Variants in MST1R observed in about 807,000 individuals in gnomAD.
The protein encoded by MST1R is macrophage stimulating 1 receptor.
MST1R carries 99 observed loss-of-function variants against 117.8 expected under a neutral mutation model. The observed-to-expected ratio is 0.84, with a 90% confidence interval of 0.71 to 0.99. The LOEUF is 0.99. MST1R is among the 50% of genes least tolerant of loss of function. The pLI is 0.00. For missense variants in MST1R, 1,683 were observed against 1,840.2 expected, an observed-to-expected ratio of 0.91 and a Z score of 1.56; for synonymous variants, 734 against 765.3, an observed-to-expected ratio of 0.96 and a Z score of 0.68.
intron 19 of MST1R, 48 bp downstream of exon 19, chr3:49,889,876 T>C (rs760359509): frequency 2.0e-5 from 33 of 1,610,164 alleles, no homozygotes; most frequent in Admixed American, 5.0e-5. Flanking sequence ...GTCTCTTCCA[T>C]GTCTCTGGGG....
At chr3:49,887,711 T>G (rs2108353383) in intron 19 of MST1R, 149 bp from the exon 20 acceptor site, 9 of 829,632 alleles carry the variant, frequency 1.1e-5, no homozygotes, top group Non-Finnish European at 1.7e-5. Context: ...GGGGCAGCTC[T>G]TCTCATCCCT....
chr3:49,900,648 C>A lies in MST1R; in HGVS notation c.1231-1385G>T, dbSNP rs116996441. Among the ~76,000 whole-genome samples the A allele has an allele frequency of 5.3e-4, 80 of 152,310 alleles. No individual in the cohort carries two copies. The East Asian group carries it at 0.014, about 26-fold the overall frequency. On this transcript the variant is annotated intron_variant, in intron 1 of 19. Transcript: ENST00000296474. ...TTTGTCCTCACTTGAGGCAGGAAATCGGCTTGGCTTGGCCCGAGCCGGAAG... is the reference window on the plus strand; with the variant it reads ...TTTGTCCTCACTTGAGGCAGGAAATAGGCTTGGCTTGGCCCGAGCCGGAAG...
At chr3:49,891,618 C>T in intron 15 of MST1R, 38 bp from the exon 16 acceptor site, 1 of 1,612,096 alleles carries the variant, frequency 6.2e-7, no homozygotes, top group East Asian at 2.2e-5. Flanking sequence ...GGCAGGGCGT[C>T]CCTTTATAAG....
rs2082479821 is a variant in MST1R at position 49,896,568 on chromosome 3, T to C, written c.2411A>G (p.His804Arg). 3 of 1,614,156 alleles carry C rather than the reference T, an allele frequency of 1.9e-6. No individual in the cohort carries two copies. The highest frequency in any genetic ancestry group is 1.3e-5 in the African/African-American group (1 of 75,056). The change falls in exon 9 of 20, where the codon CAT (histidine) becomes CGT (arginine). Residue 804 changes from histidine to arginine, a missense_variant. Physicochemically the swap from His to Arg is conservative, Grantham distance 29 (BLOSUM62 0). Transcript: ENST00000296474. The part of the protein sequence containing the change: ...TSAWHLVLSF[H>R]DGLRAVESRC... ...GCTTTCCACTGCCCTAAGCCCGTCA[T>C]GGAATGACAGCACTAAGTGCCATGC...
chr3:49,900,344 C>T (rs1347311198), intron 1 of MST1R, among the ~76,000 whole-genome samples: 2 of 152,156 alleles, frequency 1.3e-5, no homozygotes, highest in Non-Finnish European at 2.9e-5. Flanking sequence ...CTCTGGGAAA[C>T]CAGTACACCA....
intron 19 of MST1R, among the ~76,000 whole-genome samples, chr3:49,888,920 G>C (rs959599334): frequency 6.6e-6 from 1 of 152,220 alleles, no homozygotes; most frequent in African/African-American, 2.4e-5. Context: ...CAGTGGCTAG[G>C]AGTGTTGCCT....
In MST1R at chr3:49,890,596, G is replaced by T. The variant is rs780847983; in HGVS notation, c.3699C>A (p.Ile1233=). 1.2e-6 allele frequency: 2 copies of T among 1,614,084 alleles called. No individual in the cohort carries two copies. Among genetic ancestry groups the T allele is most frequent in the Non-Finnish European group, 1.7e-6 (2 of 1,179,954 alleles). Residue 1233 remains isoleucine (I), a synonymous_variant, in exon 18 of 20, where the codon ATC becomes ATA. Transcript: ENST00000296474. The part of the protein sequence containing the change: ...KVADFGLARD[I]LDREYYSVQQ... Reference sequence around the variant, plus strand: ...GAACACTATAGTACTCCCTGTCCAGGATGTCGCGGGCCAAACCAAAGTCAG... The same window carrying T: ...GAACACTATAGTACTCCCTGTCCAGTATGTCGCGGGCCAAACCAAAGTCAG...
chr3:49,896,350 G>A lies in MST1R; in HGVS notation c.2494C>T (p.Arg832Ter), dbSNP rs377577327. ...CCTGCCACCCATCCCTGGGGGTCTC[G>A]GACCACATATTCAGGAAGGCGGCAC... Reference protein sequence around the residue: ...QLCRLPEYVVRDPQGWVAGNL... With the variant: ...QLCRLPEYVV The change falls in exon 10 of 20, where the codon CGA becomes TGA. Residue 832 changes from arginine (R) to a stop codon, truncating the protein, a stop_gained. Transcript: ENST00000296474. LOFTEE classifies it high-confidence loss of function. The A allele has an allele frequency of 1.3e-5, 21 of 1,614,010 alleles. No individual in the cohort carries two copies. The highest frequency in any genetic ancestry group is 1.6e-4 in the Middle Eastern group (1 of 6,062).
rs997172833 is a variant in MST1R at position 49,888,162 on chromosome 3, C to T, written c.3948-600G>A. Among the ~76,000 whole-genome samples, 34 of 150,652 alleles carry T rather than the reference C, an allele frequency of 2.3e-4. 1 individual carries two copies. The highest frequency in any genetic ancestry group is 7.8e-4 in the African/African-American group (32 of 40,934). The stretch of plus-strand genomic sequence containing the variant: ...CAAAAATTAACTGGGCAAAGCTGGG[C>T]GTGGTGGCTCACGCCTGTAATCCCA... On this transcript the variant is annotated intron_variant, in intron 19 of 19. Transcript: ENST00000296474.
Position 49,887,215 on chromosome 3 carries a change from G to A in MST1R, c.*92C>T. On this transcript the variant is annotated 3_prime_UTR_variant, in exon 20 of 20. Transcript: ENST00000296474. The stretch of plus-strand genomic sequence containing the variant: ...TCTGAAAGTTAAAGGGCAGGAACAA[G>A]GTGGAGGGCCACTGCCCTCTGGCCT... 1 of 1,538,546 alleles carries A rather than the reference G, an allele frequency of 6.5e-7. No homozygotes were observed. The highest frequency in any genetic ancestry group is 8.8e-7 in the Non-Finnish European group (1 of 1,134,438).
intron 17 of MST1R, 80 bp downstream of exon 17, chr3:49,891,117 C>T (rs2082302189): frequency 7.8e-7 from 1 of 1,279,424 alleles, no homozygotes; most frequent in African/African-American, 1.5e-5. Flanking sequence ...TGGAGTGGGC[C>T]CTTCCCTGAG....
At chr3:49,901,126 G>A (rs888579793) in intron 1 of MST1R, among the ~76,000 whole-genome samples, 5 of 152,184 alleles carry the variant, frequency 3.3e-5, no homozygotes, top group African/African-American at 1.2e-4. Flanking sequence ...AAGGAGAAGG[G>A]GCCAGGCAGG....
chr3:49,890,249 A>G (rs1230631302), intron 18 of MST1R, among the ~76,000 whole-genome samples, 189 bp from the exon 19 acceptor site: 1 of 152,070 alleles, frequency 6.6e-6, no homozygotes, highest in East Asian at 1.9e-4. Context: ...TCCTACCCAG[A>G]GTTGGGGCTG....
chr3:49,890,827 G>A (rs529405093), intron 17 of MST1R, among the ~76,000 whole-genome samples, 177 bp from the exon 18 acceptor site: 4 of 152,160 alleles, frequency 2.6e-5, no homozygotes, highest in South Asian at 2.1e-4. Flanking sequence ...CTGGGGTCAC[G>A]CCATTCTCCC....
At chr3:49,890,113 G>A (rs1233818784) in intron 18 of MST1R, 53 bp from the exon 19 acceptor site, 2 of 1,542,124 alleles carry the variant, frequency 1.3e-6, no homozygotes, top group East Asian at 2.3e-5. Flanking sequence ...TTGGGGGCAG[G>A]TGGGTCCCCC....
rs774570912 is a variant in MST1R, at chr3:49,887,377, G to A, written c.4133C>T (p.Pro1378Leu). ...ATTCCCTGGCATGGGTGAGAACTGCGGCTGTTCTGGACGCACATTCATCTC... is the reference window on the plus strand; with the variant it reads ...ATTCCCTGGCATGGGTGAGAACTGCAGCTGTTCTGGACGCACATTCATCTC... ...SHEMNVRPEQ[P>L]QFSPMPGNVR... Residue 1378 changes from proline to leucine, a missense_variant, in exon 20 of 20, where the codon CCG (proline) becomes CTG (leucine). Transcript: ENST00000296474. The A allele has an allele frequency of 6.2e-6, 10 of 1,614,232 alleles. 1 individual carries two copies. Among genetic ancestry groups the A allele is most frequent in the South Asian group, 5.5e-5 (5 of 91,086 alleles).
intron 14 of MST1R, among the ~76,000 whole-genome samples, chr3:49,894,465 G>A (rs942113702): frequency 5.9e-5 from 9 of 151,602 alleles, no homozygotes; most frequent in African/African-American, 2.2e-4. Context: ...TACTCAGGAG[G>A]CTGAGGCAGG....
In MST1R at chr3:49,897,683, G is replaced by A; in HGVS notation, c.1883C>T (p.Pro628Leu). 1 of 1,610,248 alleles carries A rather than the reference G, an allele frequency of 6.2e-7. No individual in the cohort carries two copies. ...CTCTACAAAGTCTTTCCGGGGCACT[G>A]GTCTGGGGCACCAGGGGAACCCCTG... ...PLPKDSSKLRPVPRKDFVEEF... is the reference protein window; with the variant it reads ...PLPKDSSKLRLVPRKDFVEEF... Residue 628 changes from proline to leucine, a missense_variant and splice_region_variant, in exon 6 of 20, where the codon CCA (proline) becomes CTA (leucine). Physicochemically the swap from Pro to Leu is moderately conservative, Grantham distance 98 (BLOSUM62 -3). Transcript: ENST00000296474.
chr3:49,895,492 G>T lies in MST1R; in HGVS notation c.3019C>A (p.Pro1007Thr). The T allele has an allele frequency of 6.2e-7, 1 of 1,614,194 alleles. No homozygotes were observed. Among genetic ancestry groups the T allele is most frequent in the Non-Finnish European group, 8.5e-7 (1 of 1,180,042 alleles). ...GAGCCCGAGTACAGAATAGGCAGGG[G>T]TGTGGCTCCAGCAGTCTGGTCCAGG... ...ASLDQTAGAT[P>T]LPILYSGSDY... The change falls in exon 13 of 20, where the codon CCC (proline) becomes ACC (threonine). Residue 1007 changes from proline (P) to threonine (T), a missense_variant. Coordinates refer to ENST00000296474, the MANE Select transcript of MST1R (RefSeq NM_002447.4).
Sources: gnomAD v4.1 joint callset for allele counts (sites outside exome capture counted in the v4.1 genomes callset) on GRCh38, gnomAD v4.1.1 for gene constraint, MANE v1.5 for transcripts, NCBI Gene and HGNC (gene_info 2026-07-23, HGNC 2026-07-21) for gene names.